The following ZNF385D variants were observed in gnomAD, a reference collection of about 807,000 sequenced individuals.
ZNF385D encodes the protein zinc finger protein 659.
Under a neutral mutation model 35.8 loss-of-function variants are expected in ZNF385D, and 15 were observed. The ratio of observed to expected loss-of-function variants is 0.42; its 90% CI spans 0.28 to 0.64. The LOEUF (loss-of-function observed/expected upper bound fraction) is 0.64, where lower values mean the gene tolerates loss of function less well. Among genes scored for constraint, ZNF385D ranks in the 30% least tolerant of loss-of-function variants. The pLI, the probability that ZNF385D is intolerant of heterozygous loss-of-function variation, is 0.23. For missense variants in ZNF385D, 474 were observed against 494.6 expected (o/e 0.96, Z 0.39); for synonymous variants, 212 against 186.8 (o/e 1.13, Z -1.10).
chr3:21,837,250 C>T (rs1695387354), intron 3 of ZNF385D, among the ~76,000 whole-genome samples: 1 of 151,980 alleles, frequency 6.6e-6, no homozygotes, highest in Admixed American at 6.6e-5. Context: ...GTCATCAGTC[C>T]ATGTATAAAA....
At chr3:21,897,063 C>T (rs1281861917) in intron 3 of ZNF385D, among the ~76,000 whole-genome samples, 1 of 152,090 alleles carries the variant, frequency 6.6e-6, no homozygotes, top group Non-Finnish European at 1.5e-5. Context: ...CGTTATCACC[C>T]AAGTACACAT....
chr3:22,256,903 G>C (rs1700345822), intron 2 of ZNF385D, among the ~76,000 whole-genome samples: 1 of 151,670 alleles, frequency 6.6e-6, no homozygotes. Flanking sequence ...TTGTAACCCT[G>C]TAAAGTTAAA....
At position 22,000,949 on chromosome 3, in the gene ZNF385D, T is replaced by A. The variant is rs34136013; in HGVS notation, c.325+167868A>T. Among the ~76,000 whole-genome samples, 526 of 151,366 alleles carry A rather than the reference T, an allele frequency of 3.5e-3. 2 individuals carry two copies. The highest frequency in any genetic ancestry group is 1.0e-2 in the South Asian group (48 of 4,812). On this transcript the variant is annotated intron_variant, in intron 3 of 5. Coordinates refer to the ZNF385D transcript ENST00000494108. ...GAAGTGTAAGGAAAATTATCTGCCATCATAAAAATATAAAATAAAATAAAA... is the reference window on the plus strand; with the variant it reads ...GAAGTGTAAGGAAAATTATCTGCCAACATAAAAATATAAAATAAAATAAAA...
At chr3:21,482,685 A>G (rs1205773694) in intron 4 of ZNF385D, among the ~76,000 whole-genome samples, 2 of 152,170 alleles carry the variant, frequency 1.3e-5, no homozygotes, top group Non-Finnish European at 2.9e-5. Context: ...ACATCAAATT[A>G]GGTCAACCAA....
intron 4 of ZNF385D, among the ~76,000 whole-genome samples, chr3:21,442,532 A>AT (rs1280596491): frequency 6.6e-6 from 1 of 152,190 alleles, no homozygotes; most frequent in African/African-American, 2.4e-5. Flanking sequence ...GTCTTTAGAA[A>AT]TTATTCCTGG....
chr3:22,170,589 G>C (rs1374824500), intron 2 of ZNF385D, among the ~76,000 whole-genome samples: 2 of 152,064 alleles, frequency 1.3e-5, no homozygotes, highest in African/African-American at 4.8e-5. Flanking sequence ...CTCTTACTCA[G>C]ATAACCTTGT....
At chr3:22,295,260 T>G (rs530996979) in intron 2 of ZNF385D, among the ~76,000 whole-genome samples, 1 of 152,222 alleles carries the variant, frequency 6.6e-6, no homozygotes, top group East Asian at 1.9e-4. Context: ...CCCAATACAT[T>G]AGGACATAAT....
At chr3:22,208,188 A>C (rs1212840363) in intron 2 of ZNF385D, among the ~76,000 whole-genome samples, 1 of 151,956 alleles carries the variant, frequency 6.6e-6, no homozygotes, top group Non-Finnish European at 1.5e-5. Context: ...AAAACAATCT[A>C]AGTGTCCATC....
At chr3:22,303,542 G>A (rs1193286340) in intron 2 of ZNF385D, among the ~76,000 whole-genome samples, 1 of 152,056 alleles carries the variant, frequency 6.6e-6, no homozygotes, top group East Asian at 1.9e-4. Context: ...TATTCTAAAT[G>A]ATGTTTAAAA....
rs200426534 is a variant in ZNF385D, at chr3:21,658,935, C to T, written c.165+5951G>A. Among the ~76,000 whole-genome samples the T allele has an allele frequency of 8.5e-5, 13 of 152,142 alleles. No individual in the cohort carries two copies. In the East Asian group the frequency reaches 2.5e-3, roughly 29 times the overall value. ...TACACTGTTTAGTTTAATCTATTAA[C>T]ATCTAGGTGTTTTTCTAGTACCTGA... On this transcript the variant is annotated intron_variant, in intron 2 of 7. Transcript: ENST00000281523.
At chr3:21,801,444 C>T (rs2072395527) in intron 3 of ZNF385D, among the ~76,000 whole-genome samples, 1 of 152,122 alleles carries the variant, frequency 6.6e-6, no homozygotes, top group East Asian at 1.9e-4. Context: ...GTGAAAACAT[C>T]TGGTCTTGAG....
chr3:22,092,745 G>C (rs186769962), intron 3 of ZNF385D, among the ~76,000 whole-genome samples: 1 of 152,000 alleles, frequency 6.6e-6, no homozygotes. Flanking sequence ...TAAGATTACT[G>C]TCTGGTAACC....
chr3:22,177,984 T>C (rs889341933), intron 2 of ZNF385D, among the ~76,000 whole-genome samples: 1 of 152,232 alleles, frequency 6.6e-6, no homozygotes, highest in Non-Finnish European at 1.5e-5. Flanking sequence ...CAGTCTATCA[T>C]TGTTGGACAT....
chr3:21,905,026 T>A (rs944054161), intron 3 of ZNF385D, among the ~76,000 whole-genome samples: 2 of 151,868 alleles, frequency 1.3e-5, no homozygotes, highest in Admixed American at 6.6e-5. Context: ...TAACAAAAAA[T>A]CTATAATAGA....
At chr3:21,653,473 A>G (rs2065982180) in intron 2 of ZNF385D, among the ~76,000 whole-genome samples, 1 of 152,140 alleles carries the variant, frequency 6.6e-6, no homozygotes, top group Non-Finnish European at 1.5e-5. Context: ...AGCCACAGTA[A>G]GAAGCTTGCA....
chr3:21,540,440 C>CAACGG (rs2062145269), intron 3 of ZNF385D, among the ~76,000 whole-genome samples: 1 of 152,136 alleles, frequency 6.6e-6, no homozygotes, highest in Non-Finnish European at 1.5e-5. Context: ...ATGAGCTGAT[C>CAACGG]AACGGAACAG....
At chr3:21,663,454 C>T (rs1012531551) in intron 2 of ZNF385D, among the ~76,000 whole-genome samples, 2 of 151,974 alleles carry the variant, frequency 1.3e-5, no homozygotes, top group Non-Finnish European at 2.9e-5. Flanking sequence ...AGAAAAAGCA[C>T]CTTGATGGGT....
At chr3:22,349,769 C>T (rs1329491754) in intron 2 of ZNF385D, among the ~76,000 whole-genome samples, 1 of 84,856 alleles carries the variant, frequency 1.2e-5, no homozygotes, top group African/African-American at 6.5e-5. Flanking sequence ...GGTCCAACCA[C>T]ACTTAGCATG....
intron 3 of ZNF385D, among the ~76,000 whole-genome samples, chr3:21,525,043 A>T (rs937938032): frequency 6.6e-6 from 1 of 152,196 alleles, no homozygotes; most frequent in South Asian, 2.1e-4. Context: ...GTTGCTGTCT[A>T]TGACAACCAG....
Sources: allele counts gnomAD v4.1 joint callset (sites outside exome capture counted in the v4.1 genomes callset), GRCh38; gene constraint gnomAD v4.1.1; transcripts MANE v1.5; gene names NCBI Gene and HGNC (gene_info 2026-07-23, HGNC 2026-07-21).